Variants in CNTNAP4 observed in about 807,000 individuals in gnomAD.
The protein encoded by CNTNAP4 is contactin-associated protein-like 4.
Under a neutral mutation model 148.4 loss-of-function variants are expected in CNTNAP4, and 98 were observed. That is an observed-to-expected ratio of 0.66 (90% CI 0.56 to 0.78). The LOEUF is 0.78. CNTNAP4 is among the 30% of genes least tolerant of loss of function. The pLI is 0.00. For missense variants in CNTNAP4, 1,935 were observed against 1,565.6 expected, an observed-to-expected ratio of 1.24 and a Z score of -3.98; for synonymous variants, 730 against 565.1, an observed-to-expected ratio of 1.29 and a Z score of -4.14.
chr16:76,442,217 G>C (rs2080070942), intron 4 of CNTNAP4, among the ~76,000 whole-genome samples: 1 of 152,080 alleles, frequency 6.6e-6, no homozygotes, highest in Non-Finnish European at 1.5e-5. Flanking sequence ...CATGAAGGAA[G>C]AGGCCACGAG....
intron 3 of CNTNAP4, among the ~76,000 whole-genome samples, chr16:76,420,962 A>G (rs958637390): frequency 1.3e-5 from 2 of 152,014 alleles, no homozygotes; most frequent in Non-Finnish European, 2.9e-5. Flanking sequence ...AATCGTACAT[A>G]TCATATCCTA....
chr16:76,379,149 T>G (rs566642197), intron 3 of CNTNAP4, among the ~76,000 whole-genome samples: 1 of 152,310 alleles, frequency 6.6e-6, no homozygotes, highest in East Asian at 1.9e-4. Context: ...AGGGTCTAAC[T>G]GAATCCGAGT....
intron 3 of CNTNAP4, among the ~76,000 whole-genome samples, chr16:76,394,101 A>C (rs2144785966): frequency 6.6e-6 from 1 of 152,220 alleles, no homozygotes; most frequent in East Asian, 1.9e-4. Flanking sequence ...TCTGGCTTCT[A>C]CAACATCTGA....
Position 76,394,398 on chromosome 16 carries a change from A to T in CNTNAP4, c.391-33054A>T, listed in dbSNP as rs374332655. On this transcript the variant is annotated intron_variant, in intron 3 of 23. Coordinates refer to ENST00000611870, the MANE Select transcript of CNTNAP4 (RefSeq NM_033401.5). ...CTAAAAAAAGCAAATATGTCCTCTA[A>T]ATGCTAATTAACTGTGATAAAAATG... Among the ~76,000 whole-genome samples the T allele has an allele frequency of 6.8e-4, 104 of 152,328 alleles. 1 individual carries two copies. In the South Asian group the frequency reaches 0.012, roughly 18 times the overall value.
At chr16:76,468,813 T>C (rs2081267172) in intron 10 of CNTNAP4, among the ~76,000 whole-genome samples, 1 of 152,184 alleles carries the variant, frequency 6.6e-6, no homozygotes, top group Admixed American at 6.5e-5. Flanking sequence ...TGAGCAACTA[T>C]AGCTAAGTCA....
intron 2 of CNTNAP4, among the ~76,000 whole-genome samples, chr16:76,335,780 A>G (rs1231102967): frequency 1.3e-5 from 2 of 152,180 alleles, no homozygotes; most frequent in South Asian, 4.1e-4. Flanking sequence ...TGTGAGGAGA[A>G]CTAAAAGCTG....
chr16:76,368,580 C>G (rs985271892), intron 3 of CNTNAP4, among the ~76,000 whole-genome samples: 4 of 151,998 alleles, frequency 2.6e-5, no homozygotes, highest in African/African-American at 9.7e-5. Context: ...GAACAGAAAA[C>G]CAAATACAGC....
intron 1 of CNTNAP4, among the ~76,000 whole-genome samples, chr16:76,286,662 G>A (rs74623070): frequency 0.014 from 2,141 of 152,032 alleles, 46 homozygotes; most frequent in African/African-American, 0.048. Context: ...AAGACAATGC[G>A]GTAAAGTGAT....
chr16:76,501,831 G>A (rs1215280502), intron 15 of CNTNAP4, among the ~76,000 whole-genome samples: 2 of 152,196 alleles, frequency 1.3e-5, no homozygotes, highest in Non-Finnish European at 1.5e-5. Context: ...AGCACTTTGG[G>A]AGGCCGAGGC....
At chr16:76,436,157 C>G (rs996997900) in intron 4 of CNTNAP4, among the ~76,000 whole-genome samples, 2 of 152,044 alleles carry the variant, frequency 1.3e-5, no homozygotes, top group Middle Eastern at 3.2e-3. Context: ...GGGAGGCCAT[C>G]ACTGTTGTCT....
chr16:76,428,433 T>C (rs2079492555), intron 4 of CNTNAP4, among the ~76,000 whole-genome samples: 1 of 150,276 alleles, frequency 6.7e-6, no homozygotes, highest in South Asian at 2.1e-4. Flanking sequence ...TTTTTTTTTC[T>C]CTAGTAAACA....
At chr16:76,321,608 T>G (rs2144144257) in intron 2 of CNTNAP4, among the ~76,000 whole-genome samples, 1 of 151,838 alleles carries the variant, frequency 6.6e-6, no homozygotes, top group African/African-American at 2.4e-5. Context: ...GCTAACATGG[T>G]GAAACCCCAT....
chr16:76,416,292 TC>T (rs1568076609), intron 3 of CNTNAP4, among the ~76,000 whole-genome samples: 1 of 151,376 alleles, frequency 6.6e-6, no homozygotes, highest in Non-Finnish European at 1.5e-5. Context: ...AAAATTTCTT[TC>T]CTTCTGCATT....
At chr16:76,359,653 T>C (rs903487127) in intron 3 of CNTNAP4, among the ~76,000 whole-genome samples, 4 of 152,170 alleles carry the variant, frequency 2.6e-5, no homozygotes, top group African/African-American at 7.2e-5. Flanking sequence ...GTGAAAAATT[T>C]ATAGTGCAAT....
At chr16:76,343,979 G>A (rs891287147) in intron 2 of CNTNAP4, among the ~76,000 whole-genome samples, 4 of 152,122 alleles carry the variant, frequency 2.6e-5, no homozygotes, top group African/African-American at 7.2e-5. Context: ...CAGGGTGCAC[G>A]GATGTTACAG....
intron 15 of CNTNAP4, among the ~76,000 whole-genome samples, chr16:76,514,081 T>C (rs73628707): frequency 0.072 from 10,929 of 152,228 alleles, 530 homozygotes; most frequent in East Asian, 0.2. Context: ...TCTCCTTTTA[T>C]ATTAAATGAT....
rs1438282675 is a variant in CNTNAP4, at chr16:76,558,396, G to A, written c.3734-94G>A. The A allele has an allele frequency of 1.0e-5, 7 of 678,088 alleles. No homozygotes were observed. In the Admixed American group the frequency reaches 1.2e-4, roughly 11 times the overall value. 42.0% of individuals were successfully genotyped at this position (678,088 alleles called of 1,614,324 possible). On this transcript the variant is annotated intron_variant, in intron 23 of 23. Coordinates refer to ENST00000611870, the MANE Select transcript of CNTNAP4 (RefSeq NM_033401.5). ...TTATATGTAGTAGATGCTTAAAGTG[G>A]AAAATAGTGTTATGATGACTTATTA...
chr16:76,309,395 A>G (rs1340444694), intron 1 of CNTNAP4, among the ~76,000 whole-genome samples: 2 of 151,990 alleles, frequency 1.3e-5, no homozygotes, highest in African/African-American at 4.8e-5. Context: ...AGGAGAGGAA[A>G]CTTTACACTG....
chr16:76,544,145 T>C (rs757907473), intron 21 of CNTNAP4, among the ~76,000 whole-genome samples: 1 of 152,118 alleles, frequency 6.6e-6, no homozygotes, highest in Non-Finnish European at 1.5e-5. Flanking sequence ...TTAAAATATA[T>C]TAAAATTCTT....
Sources: allele counts gnomAD v4.1 joint callset (sites outside exome capture counted in the v4.1 genomes callset), GRCh38; gene constraint gnomAD v4.1.1; transcripts MANE v1.5; gene names NCBI Gene and HGNC (gene_info 2026-07-23, HGNC 2026-07-21).